Variants in ACYP2 observed in about 807,000 individuals in gnomAD.
ACYP2 encodes the protein acylphosphatase-2.
ACYP2 carries 12 observed loss-of-function variants against 11.2 expected under a neutral mutation model. The observed-to-expected ratio is 1.08, with a 90% CI of 0.69 to 1.74. The LOEUF is 1.74. Ranked by LOEUF, ACYP2 falls within the 40% of genes most tolerant of loss-of-function variation. The pLI is 0.00. For synonymous variants in ACYP2, 43 were observed against 32.2 expected (o/e 1.33, Z -1.13); for missense variants, 134 against 101.9 (o/e 1.31, Z -1.35).
At chr2:53,971,924 C>A (rs11694711) in intron 1 of ACYP2, among the ~76,000 whole-genome samples, 66,585 of 152,082 alleles carry the variant, frequency 0.44, 14,844 homozygotes, top group South Asian at 0.5. Flanking sequence ...ACTGAGAAGG[C>A]AATCCTAAGG....
At chr2:54,124,821 T>G (rs1354120610) in intron 4 of ACYP2, among the ~76,000 whole-genome samples, 1 of 152,110 alleles carries the variant, frequency 6.6e-6, no homozygotes, top group Non-Finnish European at 1.5e-5. Flanking sequence ...CCCCACTCTA[T>G]CCTCCCTAAT....
chr2:54,222,609 T>G (rs1313495820), intron 6 of ACYP2, among the ~76,000 whole-genome samples: 1 of 151,762 alleles, frequency 6.6e-6, no homozygotes, highest in Non-Finnish European at 1.5e-5. Context: ...GTGTGTTATC[T>G]CTAGTCATTT....
At chr2:54,143,337 G>A (rs1005394980) in intron 6 of ACYP2, 2 of 152,290 alleles carry the variant, frequency 1.3e-5, no homozygotes, top group East Asian at 3.9e-4. Context: ...ATTGGTTACA[G>A]TGTGTTATTC....
chr2:54,256,452 C>T (rs1395976921), intron 6 of ACYP2, among the ~76,000 whole-genome samples: 1 of 152,118 alleles, frequency 6.6e-6, no homozygotes, highest in African/African-American at 2.4e-5. Flanking sequence ...TGTTTGTTGG[C>T]CACTAGGATA....
At position 54,180,201 on chromosome 2, in the gene ACYP2, T is replaced by G. The variant is rs1367369410; in HGVS notation, c.404+41453T>G. 2.0e-5 allele frequency among the ~76,000 whole-genome samples: 3 copies of G among 152,204 alleles called. No individual in the cohort carries two copies. The East Asian group carries it at 5.8e-4, about 29-fold the overall frequency. ...CCACCCTCCAGAAGTCTCCAGGTGC[T>G]TAGCTATCTGGAAGTTCTCCAAACC... is the stretch of plus-strand genomic sequence containing the variant. On this transcript the variant is annotated intron_variant, in intron 6 of 6. Transcript: ENST00000607452.
At chr2:54,047,409 A>G (rs1308823361) in intron 2 of ACYP2, among the ~76,000 whole-genome samples, 3 of 152,230 alleles carry the variant, frequency 2.0e-5, no homozygotes, top group African/African-American at 7.2e-5. Context: ...GCAACTTGCT[A>G]TTGAAAATAC....
At chr2:54,099,023 C>A (rs1401229308) in intron 4 of ACYP2, among the ~76,000 whole-genome samples, 3 of 152,192 alleles carry the variant, frequency 2.0e-5, no homozygotes, top group Non-Finnish European at 4.4e-5. Context: ...GCCACTGTGC[C>A]CAGCTGATTG....
chr2:54,077,459 G>A (rs1291184323), intron 4 of ACYP2, among the ~76,000 whole-genome samples: 3 of 152,212 alleles, frequency 2.0e-5, no homozygotes, highest in African/African-American at 7.2e-5. Flanking sequence ...CTAACTCAGA[G>A]CTAGTGATAA....
At chr2:54,098,579 C>G (rs1488262083) in intron 4 of ACYP2, among the ~76,000 whole-genome samples, 1 of 152,158 alleles carries the variant, frequency 6.6e-6, no homozygotes, top group Non-Finnish European at 1.5e-5. Context: ...TTGTGATTAG[C>G]TTGATATCTC....
At chr2:54,096,653 A>C (rs1002223834) in intron 4 of ACYP2, among the ~76,000 whole-genome samples, 2 of 152,144 alleles carry the variant, frequency 1.3e-5, no homozygotes, top group African/African-American at 4.8e-5. Context: ...CAACACAGCG[A>C]AACCCCGTCT....
chr2:54,109,450 T>A (rs1168924037), intron 4 of ACYP2, among the ~76,000 whole-genome samples: 1 of 152,110 alleles, frequency 6.6e-6, no homozygotes, highest in East Asian at 1.9e-4. Flanking sequence ...AACTGCATAT[T>A]GGGTACAGCG....
chr2:54,173,266 T>C (rs1018972872), intron 6 of ACYP2, among the ~76,000 whole-genome samples: 4 of 152,240 alleles, frequency 2.6e-5, no homozygotes, highest in African/African-American at 4.8e-5. Context: ...TATCTCATTG[T>C]GGTTTTGATT....
intron 4 of ACYP2, among the ~76,000 whole-genome samples, chr2:54,086,301 C>T (rs1328808702): frequency 1.3e-5 from 2 of 152,122 alleles, no homozygotes; most frequent in African/African-American, 2.4e-5. Context: ...AAGACCTCTG[C>T]ACTAGACATG....
chr2:54,263,349 C>A (rs1317574828), intron 6 of ACYP2, among the ~76,000 whole-genome samples: 2 of 152,156 alleles, frequency 1.3e-5, no homozygotes, highest in South Asian at 2.1e-4. Context: ...TGAGAAGCTG[C>A]CCCCATGATC....
intron 6 of ACYP2, among the ~76,000 whole-genome samples, chr2:54,279,296 G>A (rs531249804): frequency 6.2e-4 from 94 of 152,248 alleles, no homozygotes; most frequent in African/African-American, 2.2e-3. Flanking sequence ...ATTTGTTTAT[G>A]TATTATCTGT....
intron 6 of ACYP2, among the ~76,000 whole-genome samples, chr2:54,172,410 C>T (rs969098667): frequency 9.9e-5 from 15 of 152,010 alleles, no homozygotes; most frequent in African/African-American, 3.4e-4. Flanking sequence ...AAGTGTTGGC[C>T]TTGGTTGAAT....
At chr2:54,057,417 A>G (rs1676213344) in intron 4 of ACYP2, 1 of 395,340 alleles carries the variant, frequency 2.5e-6, no homozygotes, top group East Asian at 3.6e-5. Context: ...ACAGTTCATC[A>G]GAACATTTTG....
intron 4 of ACYP2, among the ~76,000 whole-genome samples, chr2:54,124,517 G>C (rs1378860697): frequency 1.3e-5 from 2 of 151,936 alleles, no homozygotes; most frequent in Non-Finnish European, 2.9e-5. Context: ...TTTTCTATAT[G>C]ATTTATTTCA....
At chr2:54,297,914 T>C (rs948785121) in intron 6 of ACYP2, among the ~76,000 whole-genome samples, 1 of 152,200 alleles carries the variant, frequency 6.6e-6, no homozygotes, top group Non-Finnish European at 1.5e-5. Context: ...CTCCAAATTA[T>C]TTTTAGATTT....
Sources: allele counts gnomAD v4.1 joint callset (sites outside exome capture counted in the v4.1 genomes callset), GRCh38; gene constraint gnomAD v4.1.1; transcripts MANE v1.5; gene names NCBI Gene and HGNC (gene_info 2026-07-23, HGNC 2026-07-21).